Variants in ENTREP2 observed in about 807,000 individuals in gnomAD.
The protein encoded by ENTREP2 is endosomal transmembrane epsin interactor 2.
the ENTREP2 span, among the ~76,000 whole-genome samples, chr15:29,490,365 G>A: frequency 2.6e-5 from 4 of 152,210 alleles, no homozygotes; most frequent in Admixed American, 6.5e-5. Flanking sequence ...ACCGCAAAGA[G>A]CGAAAGAACA....
the ENTREP2 span, among the ~76,000 whole-genome samples, chr15:29,399,627 C>T: frequency 0.014 from 2,060 of 152,242 alleles, 24 homozygotes; most frequent in Non-Finnish European, 0.019. Flanking sequence ...GCACCAACCT[C>T]CTGTGCAGTC....
At chr15:29,195,102 C>T in the ENTREP2 span, 1 of 984,382 alleles carries the variant, frequency 1.0e-6, no homozygotes, top group African/African-American at 1.7e-5. Flanking sequence ...ATGTGGGCAG[C>T]ATGAAATACC....
chr15:29,149,308 A>G, the ENTREP2 span, among the ~76,000 whole-genome samples: 1 of 152,258 alleles, frequency 6.6e-6, no homozygotes, highest in Non-Finnish European at 1.5e-5. Flanking sequence ...AGAAACAATT[A>G]TCTTTCTGCA....
chr15:29,465,160 G>C, the ENTREP2 span, among the ~76,000 whole-genome samples: 2 of 151,924 alleles, frequency 1.3e-5, no homozygotes, highest in African/African-American at 4.8e-5. Context: ...CTGGTGCCAT[G>C]TCCAAAGTGA....
chr15:29,513,095 C>G, the ENTREP2 span, among the ~76,000 whole-genome samples: 1 of 152,150 alleles, frequency 6.6e-6, no homozygotes, highest in Non-Finnish European at 1.5e-5. Context: ...TTTTGTGTGA[C>G]GTCTTAGCCT....
At chr15:29,624,411 T>C in the ENTREP2 span, among the ~76,000 whole-genome samples, 2 of 152,168 alleles carry the variant, frequency 1.3e-5, no homozygotes, top group Admixed American at 6.5e-5. Flanking sequence ...TAACCGAATG[T>C]GTGAGTAGTG....
chr15:29,512,941 G>A, the ENTREP2 span, among the ~76,000 whole-genome samples: 1 of 152,152 alleles, frequency 6.6e-6, no homozygotes, highest in Non-Finnish European at 1.5e-5. Flanking sequence ...AGTAAATAAT[G>A]AACTGCCAAT....
At chr15:29,244,934 C>T in the ENTREP2 span, among the ~76,000 whole-genome samples, 1 of 152,132 alleles carries the variant, frequency 6.6e-6, no homozygotes, top group South Asian at 2.1e-4. Flanking sequence ...TGATGAAATA[C>T]CATCATCTAA....
chr15:29,515,160 G>C, the ENTREP2 span, among the ~76,000 whole-genome samples: 1 of 152,208 alleles, frequency 6.6e-6, no homozygotes, highest in Non-Finnish European at 1.5e-5. Context: ...ACTCAACCAT[G>C]GAACAAATCC....
chr15:29,132,053 C>A, the ENTREP2 span, among the ~76,000 whole-genome samples: 1 of 144,748 alleles, frequency 6.9e-6, no homozygotes, highest in East Asian at 2.1e-4. Context: ...CCAGCACACC[C>A]CCTGCCCCGC....
At chr15:29,118,615 G>A in the ENTREP2 span, among the ~76,000 whole-genome samples, 1 of 152,344 alleles carries the variant, frequency 6.6e-6, no homozygotes, top group Admixed American at 6.5e-5. Context: ...CGTCCGCAGA[G>A]CACTCACTAA....
the ENTREP2 span, among the ~76,000 whole-genome samples, chr15:29,318,806 T>C: frequency 6.6e-6 from 1 of 152,224 alleles, no homozygotes; most frequent in Non-Finnish European, 1.5e-5. Context: ...GGTAGGCTTA[T>C]ACATTTTCCT....
At chr15:29,536,761 G>A in the ENTREP2 span, among the ~76,000 whole-genome samples, 1,447 of 152,258 alleles carry the variant, frequency 9.5e-3, 15 homozygotes, top group African/African-American at 0.033. Flanking sequence ...TTATAAAAAG[G>A]GGAAATTTGG....
chr15:29,313,717 T>C, the ENTREP2 span, among the ~76,000 whole-genome samples: 1 of 152,222 alleles, frequency 6.6e-6, no homozygotes, highest in Non-Finnish European at 1.5e-5. Context: ...ACATCTACTC[T>C]GCAGCCCACG....
the ENTREP2 span, among the ~76,000 whole-genome samples, chr15:29,488,899 T>C: frequency 6.6e-6 from 1 of 152,230 alleles, no homozygotes; most frequent in East Asian, 1.9e-4. Context: ...TTGTATAAAA[T>C]ATCAGAAACA....
the ENTREP2 span, among the ~76,000 whole-genome samples, chr15:29,317,526 C>A: frequency 6.6e-6 from 1 of 152,152 alleles, no homozygotes; most frequent in Non-Finnish European, 1.5e-5. Context: ...AAGACTCAAT[C>A]AAATTCAAGT....
the ENTREP2 span, among the ~76,000 whole-genome samples, chr15:29,381,455 CAAAAA>C: frequency 2.3e-4 from 10 of 44,296 alleles, no homozygotes; most frequent in Admixed American, 5.9e-4. Context: ...GACTCTGTCT[CAAAAA>C]AAAAAAAAAA....
the ENTREP2 span, among the ~76,000 whole-genome samples, chr15:29,247,708 T>C: frequency 6.6e-6 from 1 of 150,670 alleles, no homozygotes; most frequent in South Asian, 2.2e-4. Context: ...CCCTGCTTAA[T>C]AGCAGCCAAC....
chr15:29,221,927 C>T, the ENTREP2 span, among the ~76,000 whole-genome samples: 8 of 152,250 alleles, frequency 5.3e-5, no homozygotes, highest in South Asian at 1.7e-3. Flanking sequence ...CTTGGGAAAA[C>T]AGTGTTTCAA....
Sources: gnomAD v4.1 joint callset for allele counts (sites outside exome capture counted in the v4.1 genomes callset) on GRCh38, gnomAD v4.1.1 for gene constraint, MANE v1.5 for transcripts, NCBI Gene and HGNC (gene_info 2026-07-23, HGNC 2026-07-21) for gene names.